SDK2: variants seen among roughly 807,000 people sequenced by gnomAD.
SDK2 encodes protein sidekick-2.
In SDK2, 105 loss-of-function variants were observed where a neutral mutation model predicts 253.9. The ratio of observed to expected loss-of-function variants is 0.41; its 90% CI spans 0.35 to 0.49. The LOEUF is 0.49. Among genes scored for constraint, SDK2 ranks in the 20% least tolerant of loss-of-function variants. The pLI is 0.06. For synonymous variants in SDK2, 1,249 were observed against 1,234.9 expected (o/e 1.01, Z -0.24); for missense variants, 2,608 against 3,003.0 (o/e 0.87, Z 3.07).
intron 1 of SDK2, among the ~76,000 whole-genome samples, chr17:73,577,044 A>G (rs374388100): frequency 2.6e-5 from 4 of 152,168 alleles, no homozygotes; most frequent in African/African-American, 9.7e-5. Flanking sequence ...AATCCCTTCC[A>G]GGAAGCATGT....
rs547239390 is a variant in SDK2 at position 73,395,070 on chromosome 17, C to T, written c.3592+85G>A. The stretch of plus-strand genomic sequence containing the variant: ...GGCTGTTTTTGAACAACACCTTCAG[C>T]CTGGCACGCGCTTGGATGACCCTGA... On this transcript the variant is annotated intron_variant, in intron 25 of 44. Coordinates refer to ENST00000392650, the MANE Select transcript of SDK2 (RefSeq NM_001144952.2). The surrounding 1 kb of genome is among the most constrained non-coding windows in gnomAD (Gnocchi z 4.3). The T allele has an allele frequency of 1.1e-5, 12 of 1,048,242 alleles. No homozygotes were observed. The African/African-American group carries it at 1.9e-4, about 16-fold the overall frequency. 64.9% of individuals were successfully genotyped at this position (1,048,242 alleles called of 1,614,324 possible).
chr17:73,406,284 C>G (rs539948507), intron 18 of SDK2, among the ~76,000 whole-genome samples: 4 of 146,532 alleles, frequency 2.7e-5, no homozygotes, highest in Non-Finnish European at 4.5e-5. Flanking sequence ...CGCTCTGTTG[C>G]CTAGGCTAGG....
At chr17:73,545,719 C>T (rs183329352) in intron 1 of SDK2, among the ~76,000 whole-genome samples, 3 of 152,294 alleles carry the variant, frequency 2.0e-5, no homozygotes, top group Non-Finnish European at 4.4e-5. Context: ...CTGGATGATA[C>T]AACCATCAGC....
chr17:73,544,833 C>T (rs1284727068), intron 1 of SDK2, among the ~76,000 whole-genome samples: 1 of 152,160 alleles, frequency 6.6e-6, no homozygotes, highest in Non-Finnish European at 1.5e-5. Context: ...AGCACCCATG[C>T]CAGGACCTGC....
chr17:73,580,248 C>T (rs1173958321), intron 1 of SDK2, among the ~76,000 whole-genome samples: 1 of 152,234 alleles, frequency 6.6e-6, no homozygotes, highest in Admixed American at 6.5e-5. Flanking sequence ...TGCCTCATTC[C>T]TCTCCCTCTT....
chr17:73,423,865 GT>G, intron 13 of SDK2, 50 bp downstream of exon 13: 1 of 1,443,196 alleles, frequency 6.9e-7, no homozygotes, highest in Non-Finnish European at 9.3e-7. Context: ...GAGCATGCCA[GT>G]TGCTATTGCC....
In SDK2 at chr17:73,365,134, GT is replaced by G. The variant is rs1462212785; in HGVS notation, c.5305+123del. On this transcript the variant is annotated intron_variant, in intron 38 of 44. Transcript: ENST00000392650. ...CCCTTGTCTGGGACTCAGTTTCCGT[GT>G]TTATAAGATGGGGAGACTCTCACCG... The G allele has an allele frequency of 1.0e-5, 7 of 672,310 alleles. No homozygotes were observed. In the African/African-American group the frequency reaches 1.1e-4, roughly 11 times the overall value. The allele number at this position is 672,310 out of a possible 1,614,324, so 41.6% of individuals were successfully genotyped here. A position where few individuals can be genotyped will look rare whatever the true frequency, so the allele number is the denominator to read the frequency against.
At chr17:73,484,820 C>G (rs1032358413) in intron 2 of SDK2, among the ~76,000 whole-genome samples, 9 of 152,328 alleles carry the variant, frequency 5.9e-5, no homozygotes, top group East Asian at 1.9e-4. Flanking sequence ...TCTCCTCCCC[C>G]ACTTTTCTTT....
At chr17:73,549,142 G>A (rs182359491) in intron 1 of SDK2, among the ~76,000 whole-genome samples, 9 of 152,342 alleles carry the variant, frequency 5.9e-5, no homozygotes, top group East Asian at 3.9e-4. Context: ...AAGGAAAAAC[G>A]TAGCAAGCAG....
Position 73,551,002 on chromosome 17 carries a change from A to G in SDK2, c.65-43405T>C, listed in dbSNP as rs576856413. On this transcript the variant is annotated intron_variant, in intron 1 of 44. Transcript: ENST00000392650. ...TCCTGTCAGTGCTTCCCACTGGCCAAGCCTAACCTGAAGCCAGCTGACCGG... is the reference window on the plus strand; with the variant it reads ...TCCTGTCAGTGCTTCCCACTGGCCAGGCCTAACCTGAAGCCAGCTGACCGG... Among the ~76,000 whole-genome samples, 257 of 152,260 alleles carry G rather than the reference A, an allele frequency of 1.7e-3. 1 individual carries two copies. Among genetic ancestry groups the G allele is most frequent in the African/African-American group, 5.6e-3 (231 of 41,564 alleles).
At chr17:73,542,599 C>A (rs974232156) in intron 1 of SDK2, among the ~76,000 whole-genome samples, 1 of 152,036 alleles carries the variant, frequency 6.6e-6, no homozygotes. Context: ...GTCCCCTCAA[C>A]GAGGAGGGGT....
intron 3 of SDK2, among the ~76,000 whole-genome samples, chr17:73,458,964 G>A (rs1442400741): frequency 1.3e-5 from 2 of 152,068 alleles, no homozygotes; most frequent in African/African-American, 2.4e-5. Flanking sequence ...AGATGGGGTC[G>A]TTGTACTCCA....
At chr17:73,446,511 G>A (rs1332771254) in intron 5 of SDK2, among the ~76,000 whole-genome samples, 2 of 152,204 alleles carry the variant, frequency 1.3e-5, no homozygotes, top group African/African-American at 4.8e-5. Flanking sequence ...GGTTCCTGCT[G>A]AAGTGTGAAA....
chr17:73,606,384 G>A (rs572573802), intron 1 of SDK2, among the ~76,000 whole-genome samples: 79 of 152,274 alleles, frequency 5.2e-4, no homozygotes, highest in Admixed American at 2.2e-3. Context: ...TCTGAGGGGG[G>A]GCAGGGCAGG....
intron 1 of SDK2, among the ~76,000 whole-genome samples, chr17:73,549,733 G>A (rs1416950659): frequency 1.3e-5 from 2 of 152,154 alleles, no homozygotes; most frequent in Admixed American, 6.5e-5. Context: ...ATCAGCCACA[G>A]TGTGTGGGAG....
chr17:73,572,893 C>T (rs541748440), intron 1 of SDK2, among the ~76,000 whole-genome samples: 1 of 152,300 alleles, frequency 6.6e-6, no homozygotes, highest in African/African-American at 2.4e-5. Flanking sequence ...CGGGGAGCCT[C>T]CCAGCGCCGT....
Position 73,616,433 on chromosome 17 carries a change from T to G in SDK2, c.64+27592A>C, listed in dbSNP as rs1035454177. Among the ~76,000 whole-genome samples the G allele has an allele frequency of 6.6e-6, 1 of 151,940 alleles. No individual in the cohort carries two copies. Among genetic ancestry groups the G allele is most frequent in the African/African-American group, 2.4e-5 (1 of 41,348 alleles). On this transcript the variant is annotated intron_variant, in intron 1 of 44. Coordinates refer to ENST00000392650, the MANE Select transcript of SDK2 (RefSeq NM_001144952.2). The surrounding 1 kb of genome is among the most constrained non-coding windows in gnomAD (Gnocchi z 5.2). ...CAAGCAACGGTGATTTCCTTTCACT[T>G]GGGCAGGCTGACCGTGGCCTCAAGG... is the stretch of plus-strand genomic sequence containing the variant.
chr17:73,408,884 T>A (rs1483520133), intron 18 of SDK2, among the ~76,000 whole-genome samples: 1 of 152,240 alleles, frequency 6.6e-6, no homozygotes, highest in Non-Finnish European at 1.5e-5. Context: ...GAAGGCTGAC[T>A]GGATATCTGA....
intron 1 of SDK2, among the ~76,000 whole-genome samples, chr17:73,545,095 G>GCATGCACACACACACA (rs1222193318): frequency 1.3e-3 from 95 of 75,308 alleles, no homozygotes; most frequent in African/African-American, 7.8e-3. Flanking sequence ...GCGTGCACGT[G>GCATGCACACACACACA]CACGCACACA....
Sources: gnomAD v4.1 joint callset for allele counts (sites outside exome capture counted in the v4.1 genomes callset) on GRCh38, gnomAD v4.1.1 for gene constraint, Gnocchi (gnomAD v3.1) non-coding constraint, MANE v1.5 for transcripts, NCBI Gene and HGNC (gene_info 2026-07-23, HGNC 2026-07-21) for gene names.